MCTP1: variants seen among roughly 807,000 people sequenced by gnomAD.
The protein encoded by MCTP1 is multiple C2 and transmembrane domain containing 1, also known as multiple C2 and transmembrane domain-containing protein 1.
In MCTP1, 69 loss-of-function variants were observed where a neutral mutation model predicts 120.6. That is an observed-to-expected ratio of 0.57 (90% CI 0.47 to 0.70). The LOEUF is 0.70. Ranked by LOEUF, MCTP1 falls within the 30% of genes least tolerant of loss-of-function variation. The pLI is 0.00. For synonymous variants in MCTP1, 529 were observed against 493.1 expected, an observed-to-expected ratio of 1.07 and a Z score of -0.96; for missense variants, 1,203 against 1,248.8, an observed-to-expected ratio of 0.96 and a Z score of 0.55.
chr5:94,944,851 A>G (rs1410881863), intron 3 of MCTP1, among the ~76,000 whole-genome samples: 6 of 152,210 alleles, frequency 3.9e-5, no homozygotes, highest in Non-Finnish European at 8.8e-5. Flanking sequence ...AGTGAGCTTT[A>G]GAAATACAGA....
chr5:95,249,379 T>C (rs1349680709), intron 1 of MCTP1, among the ~76,000 whole-genome samples: 4 of 152,178 alleles, frequency 2.6e-5, no homozygotes, highest in African/African-American at 7.2e-5. Flanking sequence ...AAAGAAGACA[T>C]TTATGTGGCC....
At chr5:94,767,073 A>T (rs556201423) in intron 19 of MCTP1, among the ~76,000 whole-genome samples, 1 of 152,338 alleles carries the variant, frequency 6.6e-6, no homozygotes, top group African/African-American at 2.4e-5. Context: ...ATAATACACC[A>T]TGATCAAGTT....
chr5:94,767,721 C>T (rs1773116440), intron 19 of MCTP1, among the ~76,000 whole-genome samples: 1 of 152,026 alleles, frequency 6.6e-6, no homozygotes, highest in South Asian at 2.1e-4. Context: ...TAAAGGACCT[C>T]TACAAGGAAA....
chr5:94,953,288 G>A lies in MCTP1; in HGVS notation c.912C>T (p.Asn304=). The change falls in exon 3 of 23, where the codon AAC becomes AAT. Residue 304 remains asparagine (N), a synonymous_variant. Transcript: ENST00000515393. ...CTTTTTCTTCCCACACAGGGTTGAG[G>A]TTCTTGTGTATTATCTTACTTCTAA... ...EVFRSKIIHK[N]LNPVWEEKAC... The A allele has an allele frequency of 6.2e-7, 1 of 1,612,040 alleles. No homozygotes were observed. The highest frequency in any genetic ancestry group is 8.5e-7 in the Non-Finnish European group (1 of 1,178,790).
At chr5:94,965,355 A>G (rs149285364) in intron 2 of MCTP1, among the ~76,000 whole-genome samples, 52 of 152,268 alleles carry the variant, frequency 3.4e-4, no homozygotes, top group African/African-American at 1.2e-3. Flanking sequence ...TGAACAGAGG[A>G]GATCTCTCTA....
At chr5:94,887,537 G>A (rs994368253) in intron 12 of MCTP1, among the ~76,000 whole-genome samples, 4 of 152,086 alleles carry the variant, frequency 2.6e-5, no homozygotes, top group African/African-American at 9.7e-5. Context: ...AGATTAATTT[G>A]ATTATAATCA....
At chr5:95,055,249 C>A (rs1747075669) in intron 1 of MCTP1, among the ~76,000 whole-genome samples, 1 of 152,074 alleles carries the variant, frequency 6.6e-6, no homozygotes, top group Non-Finnish European at 1.5e-5. Flanking sequence ...TTACTGGATC[C>A]TCCCTTTTTG....
chr5:95,243,404 G>A (rs991340791), intron 1 of MCTP1, among the ~76,000 whole-genome samples: 10 of 152,116 alleles, frequency 6.6e-5, no homozygotes, highest in African/African-American at 2.2e-4. Flanking sequence ...AAAGAGGGAC[G>A]TTCAGCACTC....
At chr5:95,011,820 T>C (rs1437906127) in intron 2 of MCTP1, among the ~76,000 whole-genome samples, 1 of 152,152 alleles carries the variant, frequency 6.6e-6, no homozygotes, top group East Asian at 1.9e-4. Context: ...TTATTTATTT[T>C]TTGCTGAAAT....
chr5:94,878,547 T>C (rs1445937468), intron 12 of MCTP1, among the ~76,000 whole-genome samples: 1 of 152,114 alleles, frequency 6.6e-6, no homozygotes, highest in African/African-American at 2.4e-5. Context: ...ATGTCCTTTT[T>C]ACTATCCTGG....
At chr5:94,963,630 T>C (rs1229202303) in intron 2 of MCTP1, among the ~76,000 whole-genome samples, 1 of 152,116 alleles carries the variant, frequency 6.6e-6, no homozygotes, top group African/African-American at 2.4e-5. Flanking sequence ...TCTATTTTGG[T>C]CCTTTGCCAT....
chr5:95,150,165 C>T (rs1184813436), intron 1 of MCTP1, among the ~76,000 whole-genome samples: 2 of 152,150 alleles, frequency 1.3e-5, no homozygotes, highest in African/African-American at 2.4e-5. Context: ...TGAAAACTTT[C>T]TAAAGTGCAG....
chr5:95,061,247 C>G (rs1015898294), intron 1 of MCTP1, among the ~76,000 whole-genome samples: 2 of 150,636 alleles, frequency 1.3e-5, no homozygotes, highest in Non-Finnish European at 3.0e-5. Flanking sequence ...GGAATAACTA[C>G]TAGCAAAAGA....
chr5:95,010,499 C>T (rs545280681), intron 2 of MCTP1, among the ~76,000 whole-genome samples: 141 of 152,202 alleles, frequency 9.3e-4, no homozygotes, highest in African/African-American at 3.2e-3. Context: ...TTTAACATAT[C>T]TGTTATTCAT....
intron 2 of MCTP1, among the ~76,000 whole-genome samples, chr5:95,016,284 G>A (rs966247536): frequency 2.0e-5 from 3 of 151,888 alleles, no homozygotes; most frequent in Admixed American, 6.6e-5. Flanking sequence ...CCAAAATGCT[G>A]GGATTACAGG....
At chr5:95,233,200 G>A (rs1012069489) in intron 1 of MCTP1, among the ~76,000 whole-genome samples, 21 of 151,960 alleles carry the variant, frequency 1.4e-4, no homozygotes, top group African/African-American at 3.6e-4. Flanking sequence ...TAAAACAAAC[G>A]TCAATATATT....
intron 1 of MCTP1, among the ~76,000 whole-genome samples, chr5:95,151,001 C>T (rs1449286347): frequency 6.6e-6 from 1 of 151,874 alleles, no homozygotes; most frequent in African/African-American, 2.4e-5. Flanking sequence ...CAGAGTCTTG[C>T]TCTGTTGCCC....
chr5:95,218,405 G>A (rs138520003), intron 1 of MCTP1, among the ~76,000 whole-genome samples: 138 of 152,242 alleles, frequency 9.1e-4, no homozygotes, highest in Admixed American at 2.4e-3. Context: ...CTTTAATCTA[G>A]TATTTCCCAA....
chr5:95,059,096 C>T (rs546076852), intron 1 of MCTP1, among the ~76,000 whole-genome samples: 1 of 152,208 alleles, frequency 6.6e-6, no homozygotes, highest in Admixed American at 6.5e-5. Flanking sequence ...ACAAATCTTT[C>T]TACTATAATG....
Sources: gnomAD v4.1 joint callset for allele counts (sites outside exome capture counted in the v4.1 genomes callset) on GRCh38, gnomAD v4.1.1 for gene constraint, MANE v1.5 for transcripts, NCBI Gene and HGNC (gene_info 2026-07-23, HGNC 2026-07-21) for gene names.